The following PATJ variants were observed in gnomAD, a reference collection of about 807,000 sequenced individuals.
PATJ encodes inaD-like protein.
A neutral mutation model predicts 224.9 loss-of-function variants in PATJ; 190 were observed. That is an observed-to-expected ratio of 0.84 (90% CI 0.75 to 0.95). The LOEUF (loss-of-function observed/expected upper bound fraction) is 0.95. PATJ is among the 40% of genes least tolerant of loss of function. The pLI is 0.00. For synonymous variants in PATJ, 769 were observed against 820.3 expected (o/e 0.94, Z 1.07); for missense variants, 2,121 against 2,270.3 (o/e 0.93, Z 1.34).
chr1:61,779,049 AT>A (rs1647096830), intron 7 of PATJ, among the ~76,000 whole-genome samples: 1 of 12,396 alleles, frequency 8.1e-5, no homozygotes, highest in Non-Finnish European at 0.014. Context: ...TAATGACATA[AT>A]ATACATAAAT....
intron 8 of PATJ, among the ~76,000 whole-genome samples, chr1:61,790,159 G>A (rs1256824500): frequency 6.9e-6 from 1 of 144,330 alleles, no homozygotes; most frequent in Non-Finnish European, 1.5e-5. Flanking sequence ...AGCTGTGATT[G>A]CTCCATTGCA....
chr1:62,066,085 C>T (rs1443430052), intron 31 of PATJ, among the ~76,000 whole-genome samples: 1 of 152,200 alleles, frequency 6.6e-6, no homozygotes, highest in African/African-American at 2.4e-5. Flanking sequence ...ATGTCCCAGG[C>T]TCTGCACTAA....
At chr1:62,054,191 T>TAAA in intron 31 of PATJ, 2 of 171,722 alleles carry the variant, frequency 1.2e-5, no homozygotes, top group East Asian at 1.5e-4. Flanking sequence ...CATTTTTATT[T>TAAA]AAAAAAAAAA....
intron 27 of PATJ, among the ~76,000 whole-genome samples, chr1:61,945,057 A>G (rs922972799): frequency 2.0e-5 from 3 of 152,256 alleles, no homozygotes; most frequent in Non-Finnish European, 2.9e-5. Context: ...GGCCTGCCTT[A>G]CAAGAGCTCC....
chr1:61,941,612 C>T (rs1277873453), intron 27 of PATJ, among the ~76,000 whole-genome samples: 2 of 152,114 alleles, frequency 1.3e-5, no homozygotes, highest in Non-Finnish European at 2.9e-5. Flanking sequence ...GATCATGCCA[C>T]TGCACTCCAG....
chr1:61,949,431 A>G (rs866529079), intron 27 of PATJ, among the ~76,000 whole-genome samples: 4 of 152,310 alleles, frequency 2.6e-5, no homozygotes, highest in South Asian at 2.1e-4. Context: ...ACTAAAAATC[A>G]TTGAATTGTA....
intron 17 of PATJ, among the ~76,000 whole-genome samples, chr1:61,852,071 G>A (rs1662901292): frequency 6.7e-6 from 1 of 150,074 alleles, no homozygotes. Flanking sequence ...CTACTCAGGT[G>A]GCTGAGGCAT....
At chr1:61,990,767 A>G (rs563654909) in intron 28 of PATJ, among the ~76,000 whole-genome samples, 7 of 152,256 alleles carry the variant, frequency 4.6e-5, no homozygotes, top group Non-Finnish European at 7.4e-5. Flanking sequence ...AGTGGGGAAG[A>G]TGTTAGAGCC....
Position 62,106,158 on chromosome 1 carries a change from G to GTATATATATATATATATA in PATJ, c.4378-2267_4378-2250dup, listed in dbSNP as rs61653676. Among the ~76,000 whole-genome samples the GTATATATATATATATATA allele has an allele frequency of 2.5e-3, 120 of 48,024 alleles. 5 individuals are homozygous for GTATATATATATATATATA. The highest frequency in any genetic ancestry group is 3.2e-3 in the South Asian group (3 of 928). The allele number at this position is 48,024 out of a possible 152,430, so 31.5% of individuals were successfully genotyped here. ...TACATGTGTATATGTGTGTGTGTGT[G>GTATATATATATATATATA]TATATATATATATATATATATATAT... On this transcript the variant is annotated intron_variant, in intron 33 of 43. Coordinates refer to ENST00000642238, the MANE Select transcript of PATJ (RefSeq NM_001350145.3).
chr1:62,050,177 TA>T (rs146597486), intron 30 of PATJ, among the ~76,000 whole-genome samples: 23,105 of 145,140 alleles, frequency 0.16, 1,902 homozygotes, highest in South Asian at 0.27. Context: ...TTTTATTAAA[TA>T]AAAAAAATAA....
chr1:61,864,755 GT>G (rs1665146114), intron 20 of PATJ, 122 bp downstream of exon 20: 1 of 795,896 alleles, frequency 1.3e-6, no homozygotes, highest in Non-Finnish European at 1.9e-6. Flanking sequence ...AGTCGTCACT[GT>G]TTACAAGATG....
intron 37 of PATJ, among the ~76,000 whole-genome samples, chr1:62,117,896 C>T (rs958326737): frequency 1.1e-4 from 17 of 152,124 alleles, no homozygotes; most frequent in African/African-American, 3.6e-4. Context: ...TAAGTCTCCT[C>T]TCTGGGTTAT....
chr1:62,047,388 C>T (rs1652761731), intron 30 of PATJ, among the ~76,000 whole-genome samples: 1 of 152,106 alleles, frequency 6.6e-6, no homozygotes, highest in African/African-American at 2.4e-5. Flanking sequence ...TCCTGAGTAG[C>T]TGGGATTACA....
chr1:62,151,248 C>T (rs905086892), intron 42 of PATJ, among the ~76,000 whole-genome samples: 19 of 152,100 alleles, frequency 1.2e-4, no homozygotes, highest in Non-Finnish European at 2.9e-5. Flanking sequence ...GTAAGTACAT[C>T]AACAAACAAC....
intron 40 of PATJ, 96 bp from the exon 41 acceptor site, chr1:62,128,745 C>A: frequency 1.1e-6 from 1 of 883,976 alleles, no homozygotes; most frequent in Non-Finnish European, 1.9e-6. Flanking sequence ...ACAATAGCCA[C>A]AAATGGGAAA....
chr1:61,805,281 C>G (rs1423813848), intron 12 of PATJ, among the ~76,000 whole-genome samples, 167 bp from the exon 13 acceptor site: 1 of 152,160 alleles, frequency 6.6e-6, no homozygotes, highest in Non-Finnish European at 1.5e-5. Flanking sequence ...TAAGTCACCT[C>G]TGATTTACTT....
At chr1:61,825,054 G>T (rs939159885) in intron 15 of PATJ, among the ~76,000 whole-genome samples, 1 of 152,192 alleles carries the variant, frequency 6.6e-6, no homozygotes, top group Admixed American at 6.5e-5. Flanking sequence ...GTTAGCATGT[G>T]TCCCTTGGCA....
intron 18 of PATJ, among the ~76,000 whole-genome samples, chr1:61,859,387 G>T (rs987497900): frequency 1.3e-5 from 2 of 152,118 alleles, no homozygotes; most frequent in African/African-American, 4.8e-5. Flanking sequence ...CCAATGAAGG[G>T]ATTGAGAGAA....
chr1:61,905,673 ACT>A (rs1445226803), intron 24 of PATJ, among the ~76,000 whole-genome samples: 1 of 151,988 alleles, frequency 6.6e-6, no homozygotes, highest in Non-Finnish European at 1.5e-5. Context: ...GAGTTGTCAA[ACT>A]CTTTCCAGAG....
Sources: gnomAD v4.1 joint callset for allele counts (sites outside exome capture counted in the v4.1 genomes callset) on GRCh38, gnomAD v4.1.1 for gene constraint, MANE v1.5 for transcripts, NCBI Gene and HGNC (gene_info 2026-07-23, HGNC 2026-07-21) for gene names.